ADGRB3: variants seen among roughly 807,000 people sequenced by gnomAD.
ADGRB3 encodes the protein adhesion G protein-coupled receptor B3, also known as brain-specific angiogenesis inhibitor 3.
A neutral mutation model predicts 193.4 loss-of-function variants in ADGRB3; 37 were observed. That is an observed-to-expected ratio of 0.19 (90% CI 0.15 to 0.25). The LOEUF (loss-of-function observed/expected upper bound fraction) is 0.25. ADGRB3 is among the 10% of genes least tolerant of loss of function. The pLI, the probability that ADGRB3 is intolerant of heterozygous loss-of-function variation, is 1.00. For synonymous variants in ADGRB3, 690 were observed against 644.2 expected (o/e 1.07, Z -1.08); for missense variants, 1,637 against 1,852.9 (o/e 0.88, Z 2.14).
At chr6:68,793,139 T>C (rs910542925) in intron 3 of ADGRB3, among the ~76,000 whole-genome samples, 1 of 152,186 alleles carries the variant, frequency 6.6e-6, no homozygotes, top group Non-Finnish European at 1.5e-5. Flanking sequence ...AGGCACATAA[T>C]TGTAACTAAG....
Position 69,360,964 on chromosome 6 carries a change from A to C in ADGRB3, c.3691A>C (p.Asn1231His). 1.2e-6 allele frequency: 2 copies of C among 1,612,752 alleles called. No homozygotes were observed. The highest frequency in any genetic ancestry group is 1.7e-6 in the Non-Finnish European group (2 of 1,179,170). The change falls in exon 29 of 32, where the codon AAC becomes CAC. Residue 1231 changes from asparagine (N) to histidine (H), a missense_variant. Around this residue, in one of 7 missense-constraint regions of ADGRB3, gnomAD observed 368 missense variants for 367.4 expected, o/e 1.00. Coordinates refer to ENST00000370598, the MANE Select transcript of ADGRB3 (RefSeq NM_001704.3). ...LNDDEEEKGTNPEGLSYSTLP... is the reference protein window; with the variant it reads ...LNDDEEEKGTHPEGLSYSTLP... The stretch of plus-strand genomic sequence containing the variant: ...TGATGATGAAGAAGAAAAGGGAACA[A>C]ACCCTGAAGGGCTAAGCTATTCAAC...
chr6:68,752,106 TA>T (rs1286242165), intron 3 of ADGRB3, among the ~76,000 whole-genome samples: 9 of 152,220 alleles, frequency 5.9e-5, no homozygotes, highest in African/African-American at 1.9e-4. Context: ...AATTTAGGCA[TA>T]AAAATTTGAG....
intron 3 of ADGRB3, among the ~76,000 whole-genome samples, chr6:68,824,503 A>G (rs984553226): frequency 6.7e-6 from 1 of 148,706 alleles, no homozygotes; most frequent in Non-Finnish European, 1.5e-5. Context: ...GGATATTTAT[A>G]TATTTCCTAT....
chr6:69,216,371 T>C (rs1765772409), intron 17 of ADGRB3, among the ~76,000 whole-genome samples: 1 of 152,138 alleles, frequency 6.6e-6, no homozygotes, highest in East Asian at 1.9e-4. Flanking sequence ...AGCCAAGTAA[T>C]GTAATTTGAA....
intron 3 of ADGRB3, among the ~76,000 whole-genome samples, chr6:68,717,117 A>C (rs1348354722): frequency 6.6e-6 from 1 of 151,674 alleles, no homozygotes; most frequent in Non-Finnish European, 1.5e-5. Context: ...ACATTTTATA[A>C]CATATTTATC....
At chr6:68,827,554 G>A (rs1243569570) in intron 3 of ADGRB3, among the ~76,000 whole-genome samples, 6 of 151,988 alleles carry the variant, frequency 3.9e-5, no homozygotes, top group East Asian at 1.9e-4. Flanking sequence ...ATTTTGCTCC[G>A]GAATAGATGA....
In ADGRB3 at chr6:69,048,265, G is replaced by T. The variant is rs147658947; in HGVS notation, c.2188G>T (p.Asp730Tyr). 2 of 1,613,634 alleles carry T rather than the reference G, an allele frequency of 1.2e-6. No homozygotes were observed. The highest frequency in any genetic ancestry group is 2.2e-5 in the South Asian group (2 of 91,052). Residue 730 changes from aspartate to tyrosine, a missense_variant, in exon 14 of 32, where the codon GAC becomes TAC. Asp to Tyr is a radical substitution (Grantham distance 160, BLOSUM62 -3). Around this residue, in one of 7 missense-constraint regions of ADGRB3, gnomAD observed 641 missense variants for 673.9 expected, o/e 0.95. Transcript: ENST00000370598. ...FPMKGRKGMVDWARNSEDRVV... is the reference protein window; with the variant it reads ...FPMKGRKGMVYWARNSEDRVV... ...AATGAAAGGACGGAAGGGAATGGTTGACTGGGCAAGAAACTCAGAAGATAG... is the reference window on the plus strand; with the variant it reads ...AATGAAAGGACGGAAGGGAATGGTTTACTGGGCAAGAAACTCAGAAGATAG...
At chr6:69,348,438 G>A (rs1490592956) in intron 26 of ADGRB3, among the ~76,000 whole-genome samples, 1 of 150,462 alleles carries the variant, frequency 6.6e-6, no homozygotes, top group Non-Finnish European at 1.5e-5. Context: ...CCTGAGATCA[G>A]GAGTTCAAGA....
chr6:68,800,200 A>G (rs1336988525), intron 3 of ADGRB3, among the ~76,000 whole-genome samples: 2 of 152,170 alleles, frequency 1.3e-5, no homozygotes, highest in Non-Finnish European at 2.9e-5. Context: ...GTATAGATTG[A>G]TTAGTTTCAG....
intron 11 of ADGRB3, among the ~76,000 whole-genome samples, chr6:69,011,277 A>G (rs1769929256): frequency 6.6e-6 from 1 of 151,852 alleles, no homozygotes; most frequent in Non-Finnish European, 1.5e-5. Context: ...CATGTACGCT[A>G]TGGAATATTA....
Position 69,046,223 on chromosome 6 carries a change from G to A in ADGRB3, c.2108-1962G>A, listed in dbSNP as rs139766061. Among the ~76,000 whole-genome samples, 1,288 of 152,176 alleles carry A rather than the reference G, an allele frequency of 8.5e-3. 22 individuals carry two copies. The highest frequency in any genetic ancestry group is 0.03 in the African/African-American group (1,230 of 41,526). ...TTTTATAATAGAAACTAATTGTATG[G>A]CAGTCAGAAAATCTTTATTTCTTTT... On this transcript the variant is annotated intron_variant, in intron 13 of 31. Coordinates refer to ENST00000370598, the MANE Select transcript of ADGRB3 (RefSeq NM_001704.3).
chr6:68,737,217 T>C (rs1210204209), intron 3 of ADGRB3, among the ~76,000 whole-genome samples: 1 of 151,886 alleles, frequency 6.6e-6, no homozygotes, highest in East Asian at 1.9e-4. Flanking sequence ...ATAAGAATTG[T>C]ATCAAATAAT....
chr6:68,673,754 T>G (rs1205369201), intron 3 of ADGRB3, among the ~76,000 whole-genome samples: 3 of 152,214 alleles, frequency 2.0e-5, no homozygotes, highest in East Asian at 3.9e-4. Context: ...TACCCATTAG[T>G]GAACTTGGGA....
intron 8 of ADGRB3, among the ~76,000 whole-genome samples, chr6:68,969,245 A>G (rs74793448): frequency 6.6e-6 from 1 of 152,302 alleles, no homozygotes; most frequent in African/African-American, 2.4e-5. Context: ...TAACTGAGAT[A>G]TTAGGAAAGA....
intron 20 of ADGRB3, among the ~76,000 whole-genome samples, chr6:69,299,576 G>T (rs544256630): frequency 1.3e-5 from 2 of 151,850 alleles, no homozygotes; most frequent in African/African-American, 4.8e-5. Context: ...AGAGATAGGG[G>T]TCTAGTTTCA....
At chr6:68,789,110 T>C (rs1756386169) in intron 3 of ADGRB3, among the ~76,000 whole-genome samples, 1 of 152,034 alleles carries the variant, frequency 6.6e-6, no homozygotes, top group South Asian at 2.1e-4. Context: ...CTTTATCCAA[T>C]TTGCCAGTCT....
At chr6:69,075,853 A>G in intron 16 of ADGRB3, 142 bp from the exon 17 acceptor site, 1 of 653,436 alleles carries the variant, frequency 1.5e-6, no homozygotes. Flanking sequence ...CAAATTTCTT[A>G]TAAATAATTA....
intron 20 of ADGRB3, among the ~76,000 whole-genome samples, chr6:69,270,849 T>C (rs1767159297): frequency 1.3e-5 from 2 of 152,236 alleles, no homozygotes; most frequent in Admixed American, 1.3e-4. Context: ...TTTTTGTTCT[T>C]GTTTTTATAC....
chr6:68,781,698 C>A (rs1429004083), intron 3 of ADGRB3, among the ~76,000 whole-genome samples: 1 of 152,020 alleles, frequency 6.6e-6, no homozygotes, highest in Middle Eastern at 3.4e-3. Context: ...GTGAGGCAAA[C>A]TTAAGGTTAA....
Sources: gnomAD v4.1 joint callset for allele counts (sites outside exome capture counted in the v4.1 genomes callset) on GRCh38, gnomAD v4.1.1 for gene constraint, gnomAD v4.1.1 regional missense constraint, MANE v1.5 for transcripts, NCBI Gene and HGNC (gene_info 2026-07-23, HGNC 2026-07-21) for gene names.